Variants in CAPN8 observed in about 807,000 individuals in gnomAD.
CAPN8 encodes the protein calpain-8.
In CAPN8, 87 loss-of-function variants were observed where a neutral mutation model predicts 80.9. That is an observed-to-expected ratio of 1.07 (90% confidence interval 0.90 to 1.28). CAPN8 has a LOEUF of 1.28. Among genes scored for constraint, CAPN8 ranks in the 50% most tolerant of loss-of-function variants. The probability of loss-of-function intolerance (pLI) is 0.00; values close to 1 mark genes in which losing one functional copy is unlikely to be tolerated. For synonymous variants in CAPN8, 299 were observed against 273.8 expected (o/e 1.09, Z -0.91); for missense variants, 757 against 702.0 (o/e 1.08, Z -0.89).
In CAPN8 at chr1:223,615,959, C is replaced by A. The variant is rs540967123; in HGVS notation, c.1311+11G>T. 3.9e-6 allele frequency: 6 copies of A among 1,552,164 alleles called. No individual in the cohort carries two copies. In the South Asian group the frequency reaches 7.1e-5, roughly 18 times the overall value. ...AGTGTATAATGAAGGACAAACCCAG[C>A]ACAGCAGTACCTGGTAGACGGCATA... On this transcript the variant is annotated intron_variant, in intron 10 of 20. Transcript: ENST00000366872.
intron 2 of CAPN8, among the ~76,000 whole-genome samples, chr1:223,648,417 C>A (rs1339442528): frequency 6.6e-6 from 1 of 152,216 alleles, no homozygotes; most frequent in Non-Finnish European, 1.5e-5. Flanking sequence ...TTAAAAGGAT[C>A]TGCTCAGTCC....
At chr1:223,662,264 A>G (rs1307717100) in intron 1 of CAPN8, among the ~76,000 whole-genome samples, 2 of 152,270 alleles carry the variant, frequency 1.3e-5, no homozygotes, top group African/African-American at 2.4e-5. Context: ...CCTGGCCAAC[A>G]TGGCAACACC....
intron 9 of CAPN8, among the ~76,000 whole-genome samples, chr1:223,616,722 A>C (rs1259139618): frequency 6.6e-6 from 1 of 152,130 alleles, no homozygotes; most frequent in South Asian, 2.1e-4. Context: ...AGCCTGCGGC[A>C]CCCCTGAGAA....
At chr1:223,626,054 T>C (rs528753126) in intron 5 of CAPN8, among the ~76,000 whole-genome samples, 166 bp from the exon 6 acceptor site, 1 of 152,164 alleles carries the variant, frequency 6.6e-6, no homozygotes, top group South Asian at 2.1e-4. Context: ...CCATCCAGAC[T>C]CCCTCTTTAA....
chr1:223,541,911 CT>C, intron 20 of CAPN8, 52 bp from the exon 21 acceptor site: 1 of 1,551,182 alleles, frequency 6.4e-7, no homozygotes, highest in African/African-American at 1.4e-5. Flanking sequence ...GGCTGGTGTG[CT>C]TTCACCATTG....
At chr1:223,656,173 A>G (rs566400775) in intron 1 of CAPN8, among the ~76,000 whole-genome samples, 1 of 151,648 alleles carries the variant, frequency 6.6e-6, no homozygotes, top group Non-Finnish European at 1.5e-5. Context: ...TTTCCCAAGT[A>G]TTAAAAAAAA....
chr1:223,547,152 T>C (rs2102687862), intron 16 of CAPN8, among the ~76,000 whole-genome samples: 1 of 152,332 alleles, frequency 6.6e-6, no homozygotes. Context: ...CCTTAAGTGA[T>C]CTGCCCACCA....
chr1:223,624,835 C>A (rs1390458296), intron 6 of CAPN8, among the ~76,000 whole-genome samples: 1 of 152,106 alleles, frequency 6.6e-6, no homozygotes. Flanking sequence ...TGGCTCACAC[C>A]TGTAATCCCA....
At chr1:223,621,806 G>C (rs781101757) in intron 7 of CAPN8, among the ~76,000 whole-genome samples, 2 of 152,018 alleles carry the variant, frequency 1.3e-5, no homozygotes, top group South Asian at 4.2e-4. Context: ...TTGGGAGGGG[G>C]CATTATTGTG....
At chr1:223,615,792 C>T (rs1056960446) in intron 10 of CAPN8, 178 bp downstream of exon 10, 3 of 740,174 alleles carry the variant, frequency 4.1e-6, no homozygotes, top group Non-Finnish European at 7.1e-6. Flanking sequence ...AGGAATGAAT[C>T]TCTAAATGTG....
chr1:223,545,071 A>C (rs1489854443), intron 17 of CAPN8, 160 bp downstream of exon 17: 4 of 1,403,052 alleles, frequency 2.9e-6, no homozygotes, highest in Admixed American at 4.5e-5. Flanking sequence ...GGTTGGCATG[A>C]GAGTCTCTCA....
intron 2 of CAPN8, among the ~76,000 whole-genome samples, chr1:223,643,208 C>T (rs546711663): frequency 1.3e-5 from 2 of 152,328 alleles, no homozygotes; most frequent in South Asian, 4.1e-4. Flanking sequence ...GGATGAGATA[C>T]AAAAATGGCA....
At chr1:223,610,046 T>A (rs1330742824) in intron 11 of CAPN8, among the ~76,000 whole-genome samples, 3 of 152,224 alleles carry the variant, frequency 2.0e-5, no homozygotes, top group Non-Finnish European at 2.9e-5. Flanking sequence ...TGACACAGGT[T>A]AATTAGTGAC....
intron 8 of CAPN8, 93 bp from the exon 9 acceptor site, chr1:223,619,546 A>T: frequency 7.6e-7 from 1 of 1,313,358 alleles, no homozygotes; most frequent in Non-Finnish European, 1.0e-6. Flanking sequence ...CCTGTGGCAC[A>T]GGCCCTAGAG....
At chr1:223,652,574 C>A (rs1658371469) in intron 2 of CAPN8, among the ~76,000 whole-genome samples, 1 of 152,102 alleles carries the variant, frequency 6.6e-6, no homozygotes, top group African/African-American at 2.4e-5. Context: ...CTGTTCAGGA[C>A]CAGCCCTGAC....
chr1:223,551,097 T>C (rs1388272414), intron 14 of CAPN8, 80 bp from the exon 15 acceptor site: 10 of 693,998 alleles, frequency 1.4e-5, no homozygotes, highest in Admixed American at 1.1e-4. Context: ...CAGTGCTTCC[T>C]CACAGTCAGA....
At chr1:223,552,674 G>A (rs1656824432) in intron 14 of CAPN8, among the ~76,000 whole-genome samples, 1 of 151,934 alleles carries the variant, frequency 6.6e-6, no homozygotes, top group Non-Finnish European at 1.5e-5. Flanking sequence ...TCTACATTTG[G>A]ACCTTGACCC....
At chr1:223,647,185 G>T (rs1455185379) in intron 2 of CAPN8, among the ~76,000 whole-genome samples, 21 of 152,190 alleles carry the variant, frequency 1.4e-4, no homozygotes. Flanking sequence ...GGTGGAAGGA[G>T]CCCAGCATTC....
rs376301243 is a variant in CAPN8, at chr1:223,616,020, G to T, written c.1261C>A (p.Arg421=). The part of the protein sequence containing the change: ...LGLMQKNRRW[R]KRIGQGMLSI... ...AGCATGCCTTGTCCTATCCGCTTCC[G>T]CCACCTGCGATTTTTCTGCATCAGG... The change falls in exon 10 of 21, where the codon CGG becomes AGG. Residue 421 remains arginine, a synonymous_variant. Coordinates refer to ENST00000366872, the MANE Select transcript of CAPN8 (RefSeq NM_001143962.2). 2 of 1,552,266 alleles carry T rather than the reference G, an allele frequency of 1.3e-6. No individual in the cohort carries two copies. Among genetic ancestry groups the T allele is most frequent in the Non-Finnish European group, 1.7e-6 (2 of 1,147,126 alleles).
Sources: allele counts gnomAD v4.1 joint callset (sites outside exome capture counted in the v4.1 genomes callset), GRCh38; gene constraint gnomAD v4.1.1; transcripts MANE v1.5; gene names NCBI Gene and HGNC (gene_info 2026-07-23, HGNC 2026-07-21).